Variants in MITD1 observed in about 807,000 individuals in gnomAD.
MITD1 encodes microtubule interacting and trafficking domain containing 1.
Under a neutral mutation model 34.9 loss-of-function variants are expected in MITD1, and 24 were observed. The ratio of observed to expected loss-of-function variants is 0.69; its 90% CI spans 0.50 to 0.97. The LOEUF is 0.97. MITD1 is among the 50% of genes least tolerant of loss of function. The probability of loss-of-function intolerance (pLI) is 0.00; values close to 1 mark genes in which losing one functional copy is unlikely to be tolerated. For synonymous variants in MITD1, 102 were observed against 101.4 expected (o/e 1.01, Z -0.04); for missense variants, 266 against 294.6 (o/e 0.90, Z 0.71).
exon 8 of MITD1, chr2:99,162,074 T>A: frequency 1.9e-6 from 3 of 1,614,136 alleles, no homozygotes; most frequent in Non-Finnish European, 2.5e-6. Flanking sequence ...CAATTTCCAA[T>A]GATGTCTATC....
intron 1 of MITD1, among the ~76,000 whole-genome samples, chr2:99,179,379 T>C (rs2093903170): frequency 6.6e-6 from 1 of 152,174 alleles, no homozygotes; most frequent in African/African-American, 2.4e-5. Context: ...CTTTTTATGC[T>C]GTAAAACGAG....
intron 2 of MITD1, 29 bp from the exon 3 acceptor site, chr2:99,171,675 C>G: frequency 1.9e-6 from 3 of 1,584,262 alleles, no homozygotes; most frequent in Non-Finnish European, 2.6e-6. Flanking sequence ...AACAGTAAAA[C>G]CAGTGACCAT....
chr2:99,168,778 C>A (rs538976800), downstream of MITD1, among the ~76,000 whole-genome samples: 3 of 151,970 alleles, frequency 2.0e-5, no homozygotes, highest in Admixed American at 6.6e-5. Context: ...CCAAGCCCAT[C>A]TGTCTCTTTT....
At chr2:99,178,629 C>T (rs1392916198) in intron 1 of MITD1, among the ~76,000 whole-genome samples, 3 of 152,104 alleles carry the variant, frequency 2.0e-5, no homozygotes, top group African/African-American at 7.2e-5. Context: ...TCTGGGAAAG[C>T]CTCACAAAGA....
At chr2:99,179,777 G>A (rs948703809) in intron 1 of MITD1, among the ~76,000 whole-genome samples, 2 of 152,074 alleles carry the variant, frequency 1.3e-5, no homozygotes, top group Non-Finnish European at 2.9e-5. Flanking sequence ...TGGCCAGGAT[G>A]GTCTCGATCT....
chr2:99,180,952 C>A lies in MITD1; in HGVS notation c.30G>T (p.Pro10=). MAKSGLRQD[P]QSTAAATVLK... ...GCACAGTGGCTGCAGCTGTGCTCTGCGGGTCCTGCCTCAGCCCGGACTTCG... is the reference window on the plus strand; with the variant it reads ...GCACAGTGGCTGCAGCTGTGCTCTGAGGGTCCTGCCTCAGCCCGGACTTCG... Residue 10 remains proline, a synonymous_variant, in exon 1 of 7, where the codon CCG becomes CCT. Coordinates refer to ENST00000289359, the MANE Select transcript of MITD1 (RefSeq NM_138798.3). 1 of 1,613,826 alleles carries A rather than the reference C, an allele frequency of 6.2e-7. No homozygotes were observed. The highest frequency in any genetic ancestry group is 1.1e-5 in the South Asian group (1 of 91,024).
In MITD1 at chr2:99,171,576, G is replaced by A. The variant is rs147104345; in HGVS notation, c.324C>T (p.Arg108=). The A allele has an allele frequency of 2.0e-5, 33 of 1,612,108 alleles. No homozygotes were observed. Among genetic ancestry groups the A allele is most frequent in the African/African-American group, 1.6e-4 (12 of 74,926 alleles). The change falls in exon 3 of 7, where the codon CGC becomes CGT. Residue 108 remains arginine (R), a synonymous_variant. Transcript: ENST00000289359. The stretch of plus-strand genomic sequence containing the variant: ...CTGTAACTGTCTCATTAAGGTATTC[G>A]CGAAAAAGTGACTCATAACTGAAAC... ...ATGFSYESLF[R]EYLNETVTEV...
intron 7 of MITD1, chr2:99,162,993 AAT>A (rs1263245884): frequency 6.2e-7 from 1 of 1,613,250 alleles, no homozygotes; most frequent in East Asian, 2.2e-5. Flanking sequence ...CATGCTAACA[AAT>A]ATATTACTTA....
chr2:99,179,783 G>T (rs940088590), intron 1 of MITD1, among the ~76,000 whole-genome samples: 1 of 151,998 alleles, frequency 6.6e-6, no homozygotes, highest in Non-Finnish European at 1.5e-5. Flanking sequence ...GGATGGTCTC[G>T]ATCTCTTGAC....
At position 99,181,026 on chromosome 2, in the gene MITD1, C is replaced by T. The variant is rs758150646; in HGVS notation, c.-45G>A. ...CGCCTCAACCCAGGATGAAGTTGAG[C>T]GGGTCTGCTGCGCTTCCGGGAAGTG... On this transcript the variant is annotated 5_prime_UTR_variant, in exon 1 of 7. Coordinates refer to ENST00000289359, the MANE Select transcript of MITD1 (RefSeq NM_138798.3). 4 of 1,589,256 alleles carry T rather than the reference C, an allele frequency of 2.5e-6. No homozygotes were observed. In the South Asian group the frequency reaches 3.4e-5, roughly 14 times the overall value.
chr2:99,171,412 T>C lies in MITD1; in HGVS notation c.408A>G (p.Arg136=). The C allele has an allele frequency of 6.2e-7, 1 of 1,612,088 alleles. No individual in the cohort carries two copies. The highest frequency in any genetic ancestry group is 8.5e-7 in the Non-Finnish European group (1 of 1,178,764). ...RHTHQLYNFL[R]FCEMLIKRPC... is the part of the protein sequence containing the mutation. ...GTCTCTTAATAAGCATCTCACAAAA[T>C]CGAAGAAAGTTATACAGCTAAAAGA... Residue 136 remains arginine (R), a synonymous_variant, in exon 4 of 7, where the codon CGA becomes CGG. Transcript: ENST00000289359.
In MITD1 at chr2:99,174,086, A is replaced by G. The variant is rs1487456499; in HGVS notation, c.152-70T>C. 4 of 840,672 alleles carry G rather than the reference A, an allele frequency of 4.8e-6. No individual in the cohort carries two copies. The African/African-American group carries it at 6.9e-5, about 15-fold the overall frequency. 52.1% of individuals were successfully genotyped at this position (840,672 alleles called of 1,614,324 possible). On this transcript the variant is annotated intron_variant, in intron 1 of 6. Transcript: ENST00000289359. ...TCTATTTAATTTGGGCATTATTTTC[A>G]GTTTCTCAAGTTTTCTACAAATTTC...
chr2:99,162,517 C>T lies in MITD1; in HGVS notation c.*4-299G>A, dbSNP rs143482964. 2.8e-4 allele frequency: 449 copies of T among 1,614,072 alleles called. 7 individuals carry two copies. In the East Asian group the frequency reaches 9.8e-3, roughly 35 times the overall value. ...ACTTTATTATGTAGTACTGATGGGA[C>T]GTTCTTGTCTTCTTTGCTAAAGAGC... On this transcript the variant is annotated intron_variant, in intron 7 of 7. Transcript: ENST00000422537.
At chr2:99,174,383 A>G (rs1383367558) in intron 1 of MITD1, among the ~76,000 whole-genome samples, 1 of 152,188 alleles carries the variant, frequency 6.6e-6, no homozygotes, top group East Asian at 1.9e-4. Flanking sequence ...AAAAATATTT[A>G]TCTTCCACAA....
chr2:99,163,468 A>C (rs2093812143), intron 7 of MITD1, among the ~76,000 whole-genome samples: 1 of 151,952 alleles, frequency 6.6e-6, no homozygotes, highest in African/African-American at 2.4e-5. Context: ...GTGGGACTAC[A>C]GGGTTTTGTC....
At chr2:99,173,866 G>A in intron 2 of MITD1, 49 bp downstream of exon 2, 1 of 1,142,998 alleles carries the variant, frequency 8.7e-7, no homozygotes, top group Non-Finnish European at 1.3e-6. Flanking sequence ...TTGGGTGAAT[G>A]GACAGTCACA....
At chr2:99,179,107 C>T (rs2093901474) in intron 1 of MITD1, among the ~76,000 whole-genome samples, 1 of 152,144 alleles carries the variant, frequency 6.6e-6, no homozygotes. Context: ...CCTGTATTAG[C>T]GCTATTTGCA....
chr2:99,162,223 T>C (rs1208738138), intron 7 of MITD1: 1 of 1,613,854 alleles, frequency 6.2e-7, no homozygotes, highest in Non-Finnish European at 8.5e-7. Flanking sequence ...CTGAATCTAA[T>C]GAGAGAAGAA....
chr2:99,179,493 T>G (rs1317464645), intron 1 of MITD1, among the ~76,000 whole-genome samples: 1 of 152,230 alleles, frequency 6.6e-6, no homozygotes, highest in Non-Finnish European at 1.5e-5. Flanking sequence ...AAACGTGATA[T>G]CTATGCTTAT....
Sources: allele counts gnomAD v4.1 joint callset (sites outside exome capture counted in the v4.1 genomes callset), GRCh38; gene constraint gnomAD v4.1.1; transcripts MANE v1.5; gene names NCBI Gene and HGNC (gene_info 2026-07-23, HGNC 2026-07-21).